The following ZNF254 variants were observed in gnomAD, a reference collection of about 807,000 sequenced individuals.
ZNF254 encodes the protein CTD-2017D11.1.
ZNF254 carries 10 observed loss-of-function variants against 12.4 expected under a neutral mutation model. That is an observed-to-expected ratio of 0.80 (90% CI 0.50 to 1.36). The LOEUF is 1.36. Ranked by LOEUF, ZNF254 falls within the 40% of genes most tolerant of loss-of-function variation. ZNF254 has a pLI of 0.00. For synonymous variants in ZNF254, 305 were observed against 253.4 expected (o/e 1.20, Z -1.93); for missense variants, 996 against 763.9 (o/e 1.30, Z -3.58).
intron 3 of ZNF254, 56 bp from the exon 4 acceptor site, chr19:24,126,198 A>G (rs893824111): frequency 2.6e-5 from 31 of 1,193,378 alleles, no homozygotes; most frequent in African/African-American, 2.4e-4. Context: ...TTTTTAAACT[A>G]TATTCATGTG....
chr19:24,070,881 C>G (rs1971455925), intron 2 of ZNF254, among the ~76,000 whole-genome samples: 2 of 152,098 alleles, frequency 1.3e-5, no homozygotes, highest in Non-Finnish European at 2.9e-5. Flanking sequence ...ATTTGTTTGT[C>G]TTTTTTATGC....
intron 1 of ZNF254, 92 bp downstream of exon 1, chr19:24,087,429 G>C: frequency 6.5e-7 from 1 of 1,535,572 alleles, no homozygotes; most frequent in South Asian, 1.1e-5. Flanking sequence ...CCTCCCCCCA[G>C]TCAGCTCCAC....
Position 24,087,212 on chromosome 19 carries a change from G to A in ZNF254, c.-96G>A, listed in dbSNP as rs1972075017. 3 of 1,552,604 alleles carry A rather than the reference G, an allele frequency of 1.9e-6. No homozygotes were observed. The East Asian group carries it at 6.8e-5, about 35-fold the overall frequency. ...GCCTTTGTCTCTCGCTGTCGCCGGA[G>A]TCCCAGGTCTGTCTTCACTGCTCTG... On this transcript the variant is annotated 5_prime_UTR_variant, in exon 1 of 4. Transcript: ENST00000357002.
upstream of ZNF254, among the ~76,000 whole-genome samples, chr19:24,086,904 T>A (rs569492812): frequency 2.6e-4 from 40 of 152,376 alleles, no homozygotes; most frequent in African/African-American, 9.4e-4. Context: ...AATATGTTTG[T>A]TCACATTTTG....
chr19:24,085,766 TCCTGGAAATAAAAAAACA>T (rs1972015940), upstream of ZNF254, among the ~76,000 whole-genome samples: 2 of 149,706 alleles, frequency 1.3e-5, no homozygotes, highest in African/African-American at 4.9e-5. Context: ...AGCAAGCCTC[TCCTGGAAATAAAAAAACA>T]GTGTATAAAC....
At chr19:24,035,658 C>T (rs971102166) in intron 1 of ZNF254, among the ~76,000 whole-genome samples, 1 of 151,820 alleles carries the variant, frequency 6.6e-6, no homozygotes, top group Non-Finnish European at 1.5e-5. Context: ...GGTGACAGAG[C>T]GAGACTCGGT....
chr19:24,046,651 G>A (rs1400435130), intron 2 of ZNF254, among the ~76,000 whole-genome samples: 1 of 151,898 alleles, frequency 6.6e-6, no homozygotes, highest in Admixed American at 6.6e-5. Flanking sequence ...ATGAAACCAT[G>A]TATTTTGTTT....
chr19:24,044,616 G>T (rs1450120965), intron 1 of ZNF254, among the ~76,000 whole-genome samples: 1 of 151,932 alleles, frequency 6.6e-6, no homozygotes, highest in East Asian at 1.9e-4. Flanking sequence ...TTTATATTTT[G>T]TTTTATATGT....
chr19:24,086,468 G>A (rs1238621794), upstream of ZNF254, among the ~76,000 whole-genome samples: 1 of 151,762 alleles, frequency 6.6e-6, no homozygotes, highest in Non-Finnish European at 1.5e-5. Context: ...ACCATGCCCA[G>A]CTAATTTTTT....
chr19:24,082,629 A>G (rs919372928), upstream of ZNF254, among the ~76,000 whole-genome samples: 1 of 136,038 alleles, frequency 7.4e-6, no homozygotes, highest in African/African-American at 2.8e-5. Flanking sequence ...CAGTCTGGGC[A>G]ACAGAGTGAG....
chr19:24,043,156 GCATA>G (rs1970241372), intron 1 of ZNF254, among the ~76,000 whole-genome samples: 1 of 151,688 alleles, frequency 6.6e-6, no homozygotes, highest in African/African-American at 2.4e-5. Flanking sequence ...TATTTTACAA[GCATA>G]CATTTCATTT....
At chr19:24,051,214 G>A (rs1599596244) in intron 2 of ZNF254, among the ~76,000 whole-genome samples, 1 of 152,318 alleles carries the variant, frequency 6.6e-6, no homozygotes, top group East Asian at 1.9e-4. Flanking sequence ...CTGGAGTGCA[G>A]TGGTGTGATC....
chr19:24,110,769 G>C (rs983977211), intron 3 of ZNF254, among the ~76,000 whole-genome samples: 24 of 151,778 alleles, frequency 1.6e-4, no homozygotes, highest in Non-Finnish European at 2.6e-4. Context: ...ATTTATATAA[G>C]TAAAATCATA....
rs775301370 is a variant in ZNF254, at chr19:24,127,791, T to G, written c.1791T>G (p.Thr597=). 1.5e-5 allele frequency: 24 copies of G among 1,612,762 alleles called. No homozygotes were observed. Among genetic ancestry groups the G allele is most frequent in the Non-Finnish European group, 1.9e-5 (22 of 1,179,632 alleles). ...TTACTAAACATAAGGTAATTCATAC[T>G]GGAGTAAAACCCTACAAATGTGAAG... is the stretch of plus-strand genomic sequence containing the variant. ...STFTKHKVIH[T]GVKPYKCEEC... Residue 597 remains threonine, a synonymous_variant, in exon 4 of 4, where the codon ACT becomes ACG. Transcript: ENST00000357002.
chr19:24,067,244 G>C (rs933188887), intron 2 of ZNF254, among the ~76,000 whole-genome samples: 5 of 151,852 alleles, frequency 3.3e-5, no homozygotes, highest in African/African-American at 1.2e-4. Flanking sequence ...CCATAGGTTA[G>C]CTTTTAATAT....
At chr19:24,043,581 A>G (rs1018141006) in intron 1 of ZNF254, among the ~76,000 whole-genome samples, 1 of 152,170 alleles carries the variant, frequency 6.6e-6, no homozygotes, top group Non-Finnish European at 1.5e-5. Flanking sequence ...AATTTTAAGA[A>G]ACACCCGATT....
At chr19:24,121,868 TTTTG>T (rs1294531729) in intron 3 of ZNF254, among the ~76,000 whole-genome samples, 4 of 152,108 alleles carry the variant, frequency 2.6e-5, no homozygotes, top group African/African-American at 7.2e-5. Flanking sequence ...CTTGGTTTTT[TTTTG>T]TTTGTTTTTT....
chr19:24,062,743 T>C (rs1192447295), intron 2 of ZNF254, among the ~76,000 whole-genome samples: 1 of 152,114 alleles, frequency 6.6e-6, no homozygotes, highest in African/African-American at 2.4e-5. Context: ...CACAGTTGGG[T>C]TAGTGACTCG....
chr19:24,105,855 A>C, intron 1 of ZNF254, 85 bp from the exon 2 acceptor site: 2 of 1,528,826 alleles, frequency 1.3e-6, no homozygotes, highest in Non-Finnish European at 1.8e-6. Context: ...AACCAGTTCT[A>C]TTTACTCTAA....
Sources: allele counts gnomAD v4.1 joint callset (sites outside exome capture counted in the v4.1 genomes callset), GRCh38; gene constraint gnomAD v4.1.1; transcripts MANE v1.5; gene names NCBI Gene and HGNC (gene_info 2026-07-23, HGNC 2026-07-21).